The following HMSD variants were observed in gnomAD, a reference collection of about 807,000 sequenced individuals.
HMSD encodes the protein serpin-like protein HMSD.
Under a neutral mutation model 10.0 loss-of-function variants are expected in HMSD, and 13 were observed. The ratio of observed to expected loss-of-function variants is 1.31; its 90% CI spans 0.85 to 2.08. The LOEUF (loss-of-function observed/expected upper bound fraction) is 2.08. Among genes scored for constraint, HMSD ranks in the 30% most tolerant of loss-of-function variants. HMSD has a pLI of 0.00. For synonymous variants in HMSD, 51 were observed against 54.2 expected, an observed-to-expected ratio of 0.94 and a Z score of 0.26; for missense variants, 169 against 166.3, an observed-to-expected ratio of 1.02 and a Z score of -0.09.
intron 3 of HMSD, among the ~76,000 whole-genome samples, chr18:63,956,815 T>C (rs1157120346): frequency 6.6e-6 from 1 of 152,088 alleles, no homozygotes; most frequent in African/African-American, 2.4e-5. Context: ...AAACATGGAA[T>C]CAACCTAAAT....
At chr18:63,965,272 A>G (rs895993416), downstream of HMSD, among the ~76,000 whole-genome samples, 2 of 152,252 alleles carry the variant, frequency 1.3e-5, no homozygotes, top group African/African-American at 4.8e-5. Flanking sequence ...GCAGGAACTC[A>G]CACTGTTTCA....
chr18:63,960,054 T>C, intron 3 of HMSD, 104 bp from the exon 4 acceptor site: 3 of 1,138,990 alleles, frequency 2.6e-6, no homozygotes, highest in Non-Finnish European at 3.8e-6. Context: ...TTATATATGG[T>C]AAATCATAAA....
downstream of HMSD, among the ~76,000 whole-genome samples, chr18:63,963,045 G>GC (rs2050392759): frequency 1.7e-5 from 2 of 118,428 alleles, no homozygotes; most frequent in African/African-American, 9.2e-5. Context: ...TTCAGATGTA[G>GC]TTTTCTTTCT....
At chr18:63,963,293 G>A (rs2050398153), downstream of HMSD, among the ~76,000 whole-genome samples, 1 of 149,720 alleles carries the variant, frequency 6.7e-6, no homozygotes, top group South Asian at 2.1e-4. Flanking sequence ...CCAAGACAGA[G>A]TATCGCTCTG....
At chr18:63,952,707 G>A (rs1258005652) in intron 1 of HMSD, among the ~76,000 whole-genome samples, 2 of 152,100 alleles carry the variant, frequency 1.3e-5, no homozygotes, top group East Asian at 3.8e-4. Context: ...ATCAGTACTT[G>A]TGAGCTTTAT....
At chr18:63,953,625 A>G in intron 2 of HMSD, 98 bp downstream of exon 2, 1 of 953,426 alleles carries the variant, frequency 1.0e-6, no homozygotes, top group South Asian at 1.4e-5. Context: ...CTCCTTTAAC[A>G]GACAACTCTG....
At chr18:63,951,377 G>T (rs650355) in intron 1 of HMSD, among the ~76,000 whole-genome samples, 151,896 of 152,340 alleles carry the variant, frequency 1, 75,728 homozygotes, top group Middle Eastern at 1. Flanking sequence ...GAAAAAATTG[G>T]TCTCTGTTTA....
chr18:63,954,906 T>C (rs2050350425), intron 3 of HMSD, among the ~76,000 whole-genome samples: 1 of 152,272 alleles, frequency 6.6e-6, no homozygotes. Flanking sequence ...CTATAATGTA[T>C]GCATTAAATA....
intron 3 of HMSD, among the ~76,000 whole-genome samples, chr18:63,967,506 GA>G (rs1287313103): frequency 6.6e-6 from 1 of 152,076 alleles, no homozygotes; most frequent in Non-Finnish European, 1.5e-5. Flanking sequence ...ATCACCCCAG[GA>G]AGCTCCAATT....
chr18:63,964,173 T>C (rs2050401266), downstream of HMSD, among the ~76,000 whole-genome samples: 1 of 152,158 alleles, frequency 6.6e-6, no homozygotes, highest in South Asian at 2.1e-4. Flanking sequence ...CAAAGAGCTC[T>C]GAATATCAGC....
chr18:63,963,779 G>T (rs1057350824), downstream of HMSD, among the ~76,000 whole-genome samples: 1 of 152,208 alleles, frequency 6.6e-6, no homozygotes, highest in African/African-American at 2.4e-5. Flanking sequence ...CCTGGATCCT[G>T]TAACAAGAAC....
intron 3 of HMSD, among the ~76,000 whole-genome samples, chr18:63,958,682 G>T (rs1263072235): frequency 1.3e-5 from 2 of 151,984 alleles, no homozygotes; most frequent in African/African-American, 4.8e-5. Flanking sequence ...TGAGTATAAG[G>T]TTTCCATGAA....
rs750190479 is a variant in HMSD, at chr18:63,953,533, T to C, written c.72+6T>C. On this transcript the variant is annotated splice_donor_region_variant and intron_variant, in intron 2 of 3. Coordinates refer to ENST00000408945, the MANE Select transcript of HMSD (RefSeq NM_001123366.2). ...CTGCAGCTCAGATGTCTCAGGTACG[T>C]AAAGCCACTTCAAGACAACAATAAG... The C allele has an allele frequency of 6.2e-7, 1 of 1,610,268 alleles. No individual in the cohort carries two copies. Among genetic ancestry groups the C allele is most frequent in the Non-Finnish European group, 8.5e-7 (1 of 1,176,554 alleles).
chr18:63,954,697 G>C (rs1371716861), intron 3 of HMSD, 140 bp downstream of exon 3: 3 of 676,140 alleles, frequency 4.4e-6, no homozygotes, highest in South Asian at 2.1e-5. Context: ...TTGTGATTCA[G>C]TTTGATCATC....
At chr18:63,952,410 A>G (rs2050336012) in intron 1 of HMSD, among the ~76,000 whole-genome samples, 2 of 152,218 alleles carry the variant, frequency 1.3e-5, no homozygotes, top group African/African-American at 4.8e-5. Context: ...TAGGGAAAAT[A>G]GCAAAGGATA....
intron 3 of HMSD, among the ~76,000 whole-genome samples, chr18:63,958,056 G>T (rs980238820): frequency 1.7e-4 from 26 of 152,140 alleles, no homozygotes; most frequent in African/African-American, 6.0e-4. Context: ...CTTACACTGA[G>T]AGATTTAAAT....
At chr18:63,958,162 C>T (rs8092289) in intron 3 of HMSD, among the ~76,000 whole-genome samples, 53,263 of 152,000 alleles carry the variant, frequency 0.35, 10,649 homozygotes, top group African/African-American at 0.56. Flanking sequence ...CGATCAGTTA[C>T]GTGGTACTGA....
chr18:63,960,264 A>G lies in HMSD; in HGVS notation c.329A>G (p.Asp110Gly). The G allele has an allele frequency of 1.2e-6, 2 of 1,613,360 alleles. No homozygotes were observed. Among genetic ancestry groups the G allele is most frequent in the Middle Eastern group, 3.3e-4 (2 of 6,054 alleles). Residue 110 changes from aspartate (D) to glycine (G), a missense_variant, in exon 4 of 4, where the codon GAT becomes GGT. Coordinates refer to ENST00000408945, the MANE Select transcript of HMSD (RefSeq NM_001123366.2). ...ACACGTGTAAACTCCTGGGTTGCTG[A>G]TAAAACTAAAGGTGAAAATATATTG... ...STTRVNSWVA[D>G]KTKGENILLF...
rs8089648 is a variant in HMSD at position 63,954,571 on chromosome 18, G to T, written c.222+14G>T. ...GATTTCCTCACAGTAAGTCATACTT[G>T]TTTATTAGGAAAATAAAGATAGCAA... On this transcript the variant is annotated intron_variant, in intron 3 of 3. Coordinates refer to ENST00000408945, the MANE Select transcript of HMSD (RefSeq NM_001123366.2). 1.0e-5 allele frequency: 16 copies of T among 1,599,578 alleles called. No homozygotes were observed. Among genetic ancestry groups the T allele is most frequent in the South Asian group, 2.2e-5 (2 of 89,528 alleles).
Sources: gnomAD v4.1 joint callset for allele counts (sites outside exome capture counted in the v4.1 genomes callset) on GRCh38, gnomAD v4.1.1 for gene constraint, MANE v1.5 for transcripts, NCBI Gene and HGNC (gene_info 2026-07-23, HGNC 2026-07-21) for gene names.